The following IL1RAPL1 variants were observed in gnomAD, a reference collection of about 807,000 sequenced individuals.
IL1RAPL1 encodes the protein interleukin-1 receptor accessory protein-like 1.
A neutral mutation model predicts 48.4 loss-of-function variants in IL1RAPL1; 3 were observed. The ratio of observed to expected loss-of-function variants is 0.06; its 90% CI spans 0.03 to 0.16. The LOEUF is 0.16. Among genes scored for constraint, IL1RAPL1 ranks in the 10% least tolerant of loss-of-function variants. IL1RAPL1 has a pLI of 1.00. For synonymous variants in IL1RAPL1, 185 were observed against 187.7 expected (o/e 0.99, Z 0.12); for missense variants, 349 against 530.6 (o/e 0.66, Z 3.36).
intron 5 of IL1RAPL1, among the ~76,000 whole-genome samples, chrX:29,536,401 C>T (rs12008631): frequency 0.024 from 2,623 of 111,467 alleles, 69 homozygotes; most frequent in African/African-American, 0.082. Context: ...GAAAAAGAAA[C>T]ATTACACTGC....
intron 2 of IL1RAPL1, among the ~76,000 whole-genome samples, chrX:29,051,463 C>T (rs377621118): frequency 2.7e-5 from 3 of 111,762 alleles, no homozygotes; most frequent in South Asian, 3.7e-4. Context: ...TGTCATATGT[C>T]GGAAAGTGAG....
intron 6 of IL1RAPL1, among the ~76,000 whole-genome samples, chrX:29,698,884 A>G (rs1478221542): frequency 8.9e-6 from 1 of 112,295 alleles, no homozygotes; most frequent in Admixed American, 9.4e-5. Flanking sequence ...TTAGTTCTCC[A>G]TACAGAGAGT....
At chrX:29,296,302 C>T (rs1932448599) in intron 3 of IL1RAPL1, among the ~76,000 whole-genome samples, 2 of 111,423 alleles carry the variant, frequency 1.8e-5, no homozygotes, top group Admixed American at 1.9e-4. Context: ...AGAATGAGTA[C>T]AACAGCTGGT....
At chrX:29,390,645 CA>C (rs1933842280) in intron 3 of IL1RAPL1, among the ~76,000 whole-genome samples, 1 of 111,413 alleles carries the variant, frequency 9.0e-6, no homozygotes, top group Non-Finnish European at 1.9e-5. Flanking sequence ...AGAGAGATAC[CA>C]AACACTACAC....
chrX:29,076,063 A>C (rs1366637860), intron 2 of IL1RAPL1, among the ~76,000 whole-genome samples: 1 of 111,831 alleles, frequency 8.9e-6, no homozygotes, highest in African/African-American at 3.2e-5. Flanking sequence ...AAAAGTGCCT[A>C]ATAAGACTAA....
At chrX:28,910,134 C>A (rs1021805405) in intron 2 of IL1RAPL1, among the ~76,000 whole-genome samples, 1 of 111,053 alleles carries the variant, frequency 9.0e-6, no homozygotes, top group African/African-American at 3.3e-5. Flanking sequence ...AGATAGTAAC[C>A]ATTGAAAAAA....
At chrX:29,791,762 G>T (rs757087820) in intron 6 of IL1RAPL1, among the ~76,000 whole-genome samples, 54 of 81,295 alleles carry the variant, frequency 6.6e-4, no homozygotes, top group African/African-American at 2.4e-3. Context: ...GGTGAGTCTC[G>T]CTCTGTCTCC....
chrX:29,662,555 A>G (rs1488680492), intron 5 of IL1RAPL1, among the ~76,000 whole-genome samples: 2 of 112,039 alleles, frequency 1.8e-5, no homozygotes, highest in Non-Finnish European at 3.8e-5. Flanking sequence ...AGTACCTGGT[A>G]GAGAGGAAAT....
At chrX:28,716,461 A>G (rs959066418) in intron 1 of IL1RAPL1, among the ~76,000 whole-genome samples, 8 of 111,773 alleles carry the variant, frequency 7.2e-5, no homozygotes, top group Admixed American at 9.6e-5. Context: ...TGCTGGGATA[A>G]CTGTCTGGCC....
At chrX:29,210,692 C>T (rs1292978475) in intron 2 of IL1RAPL1, among the ~76,000 whole-genome samples, 2 of 111,591 alleles carry the variant, frequency 1.8e-5, no homozygotes, top group African/African-American at 6.5e-5. Context: ...TCTCTAAGCT[C>T]GCATGATAAA....
chrX:29,412,230 C>A (rs1251026361), intron 5 of IL1RAPL1, among the ~76,000 whole-genome samples: 1 of 110,233 alleles, frequency 9.1e-6, no homozygotes, highest in Non-Finnish European at 1.9e-5. Context: ...GAGATCAAAC[C>A]ACTGTGCTTC....
At chrX:29,687,172 A>G (rs777361469) in intron 6 of IL1RAPL1, among the ~76,000 whole-genome samples, 7 of 111,783 alleles carry the variant, frequency 6.3e-5, no homozygotes, top group Non-Finnish European at 1.3e-4. Context: ...AAGAAATTGA[A>G]TCAGTAATTT....
At chrX:28,685,798 T>A (rs774681861) in intron 1 of IL1RAPL1, among the ~76,000 whole-genome samples, 2 of 112,080 alleles carry the variant, frequency 1.8e-5, no homozygotes, top group Non-Finnish European at 3.8e-5. Flanking sequence ...AATACTTTTT[T>A]AGGAATGATT....
intron 1 of IL1RAPL1, among the ~76,000 whole-genome samples, chrX:28,598,771 G>A (rs1013845952): frequency 9.2e-6 from 1 of 108,514 alleles, no homozygotes; most frequent in Non-Finnish European, 1.9e-5. Flanking sequence ...TGGGATTACA[G>A]GTGTGCGCCA....
At chrX:29,892,542 A>C (rs1932292225) in intron 6 of IL1RAPL1, among the ~76,000 whole-genome samples, 1 of 112,759 alleles carries the variant, frequency 8.9e-6, no homozygotes, top group South Asian at 3.6e-4. Flanking sequence ...TAGAATTTAG[A>C]ATGTATCTGG....
chrX:29,685,569 T>C lies in IL1RAPL1; in HGVS notation c.778+17065T>C, dbSNP rs181191248. 8.8e-4 allele frequency among the ~76,000 whole-genome samples: 98 copies of C among 111,848 alleles called. No homozygotes were observed. The Admixed American group carries it at 9.2e-3, about 10-fold the overall frequency. On this transcript the variant is annotated intron_variant, in intron 6 of 10. Transcript: ENST00000378993. ...AATAGAGGTGCTTTTATTATGTAAATGTTTGCTGTATTAACTTAGGAACAT... is the reference window on the plus strand; with the variant it reads ...AATAGAGGTGCTTTTATTATGTAAACGTTTGCTGTATTAACTTAGGAACAT...
chrX:29,210,810 C>T (rs1385037691), intron 2 of IL1RAPL1, among the ~76,000 whole-genome samples: 1 of 111,823 alleles, frequency 8.9e-6, no homozygotes, highest in Non-Finnish European at 1.9e-5. Context: ...TGATAGGTAA[C>T]TTTTAAAATA....
chrX:28,674,763 T>G (rs1934981058), intron 1 of IL1RAPL1, among the ~76,000 whole-genome samples: 1 of 111,814 alleles, frequency 8.9e-6, no homozygotes, highest in African/African-American at 3.2e-5. Context: ...TTCAAAACTC[T>G]TAGCCCATTG....
At chrX:29,641,567 C>G (rs911374539) in intron 5 of IL1RAPL1, among the ~76,000 whole-genome samples, 1 of 111,980 alleles carries the variant, frequency 8.9e-6, no homozygotes, top group Admixed American at 9.5e-5. Context: ...GTCTCTTATT[C>G]TGCTATATTT....
Sources: allele counts gnomAD v4.1 joint callset (sites outside exome capture counted in the v4.1 genomes callset), GRCh38; gene constraint gnomAD v4.1.1; transcripts MANE v1.5; gene names NCBI Gene and HGNC (gene_info 2026-07-23, HGNC 2026-07-21).